Variants in FAM174B observed in about 807,000 individuals in gnomAD.
The protein encoded by FAM174B is family with sequence similarity 174 member B.
A neutral mutation model predicts 10.9 loss-of-function variants in FAM174B; 12 were observed. That is an observed-to-expected ratio of 1.10 (90% CI 0.71 to 1.79). The LOEUF (loss-of-function observed/expected upper bound fraction) is 1.79, where lower values mean the gene tolerates loss of function less well. Ranked by LOEUF, FAM174B falls within the 40% of genes most tolerant of loss-of-function variation. FAM174B has a pLI of 0.00. For synonymous variants in FAM174B, 132 were observed against 115.8 expected (o/e 1.14, Z -0.90); for missense variants, 266 against 233.3 (o/e 1.14, Z -0.91).
intron 1 of FAM174B, among the ~76,000 whole-genome samples, chr15:92,643,136 G>GT (rs35610303): frequency 2.4e-4 from 36 of 148,744 alleles, no homozygotes; most frequent in African/African-American, 7.9e-4. Flanking sequence ...CACTTTATTT[G>GT]TTTTTTTTTT....
At chr15:92,634,984 C>T (rs530910334) in intron 1 of FAM174B, among the ~76,000 whole-genome samples, 1 of 152,270 alleles carries the variant, frequency 6.6e-6, no homozygotes, top group African/African-American at 2.4e-5. Context: ...GCAGCTTGTC[C>T]GCATTTAGGC....
At position 92,655,725 on chromosome 15, in the gene FAM174B, A is replaced by G. The variant is rs1466777745; in HGVS notation, c.-66T>C. On this transcript the variant is annotated 5_prime_UTR_variant, in exon 1 of 3. Transcript: ENST00000327355. ...GCTGAGCTCCAGGATCCGCACCAGC[A>G]CGGAGGCCTGCACCGGGGGATCCTG... 1.7e-6 allele frequency: 2 copies of G among 1,190,452 alleles called. No homozygotes were observed. Among genetic ancestry groups the G allele is most frequent in the East Asian group, 6.9e-5 (2 of 28,906 alleles). 73.7% of individuals were successfully genotyped at this position (1,190,452 alleles called of 1,614,324 possible).
chr15:92,649,074 G>C (rs1596303331), intron 1 of FAM174B, among the ~76,000 whole-genome samples: 1 of 152,148 alleles, frequency 6.6e-6, no homozygotes, highest in Non-Finnish European at 1.5e-5. Flanking sequence ...ACTGACATTG[G>C]AGTTCCCTTA....
At chr15:92,645,524 C>T (rs1335581804) in intron 1 of FAM174B, 2 of 152,318 alleles carry the variant, frequency 1.3e-5, no homozygotes, top group African/African-American at 4.8e-5. Flanking sequence ...TCTTCCAAGA[C>T]AAAAGCAGCA....
chr15:92,635,141 C>T (rs901551701), intron 1 of FAM174B, among the ~76,000 whole-genome samples: 1 of 132,186 alleles, frequency 7.6e-6, no homozygotes, highest in South Asian at 2.7e-4. Flanking sequence ...TCTCTCCTCT[C>T]TTTCGCTCAC....
chr15:92,628,171 A>AT (rs35526965), intron 2 of FAM174B, among the ~76,000 whole-genome samples: 28 of 148,218 alleles, frequency 1.9e-4, no homozygotes, highest in African/African-American at 2.2e-4. Context: ...TTTTCCCAAA[A>AT]TTTTTTTTTT....
chr15:92,650,530 C>T (rs1297129560), intron 1 of FAM174B, among the ~76,000 whole-genome samples: 1 of 152,146 alleles, frequency 6.6e-6, no homozygotes, highest in Admixed American at 6.5e-5. Flanking sequence ...AAAGGATCCC[C>T]AGGATGAAAG....
chr15:92,617,679 G>A lies in FAM174B; in HGVS notation c.*1777C>T, dbSNP rs1596291221. 1 of 681,012 alleles carries A rather than the reference G, an allele frequency of 1.5e-6. No individual in the cohort carries two copies. Among genetic ancestry groups the A allele is most frequent in the Non-Finnish European group, 2.7e-6 (1 of 377,266 alleles). 42.2% of individuals were successfully genotyped at this position (681,012 alleles called of 1,614,324 possible). A position where few individuals can be genotyped will look rare whatever the true frequency, so the allele number is the denominator to read the frequency against. On this transcript the variant is annotated 3_prime_UTR_variant, in exon 3 of 3. Transcript: ENST00000327355. ...CAGTTCCAGTTCAAAGGTTGAGGGG[G>A]CGAACAGCTGCGAGGTGGCCAGGCT...
Position 92,630,294 on chromosome 15 carries a change from T to C in FAM174B, c.396A>G (p.Pro132=). The C allele has an allele frequency of 1.9e-6, 3 of 1,613,252 alleles. No individual in the cohort carries two copies. The highest frequency in any genetic ancestry group is 2.5e-6 in the Non-Finnish European group (3 of 1,179,266). The change falls in exon 2 of 3, where the codon CCA becomes CCG. Residue 132 remains proline (P), a synonymous_variant. Coordinates refer to ENST00000327355, the MANE Select transcript of FAM174B (RefSeq NM_207446.3). ...KTRKYDIITT[P]AERVEMAPLN... is the part of the protein sequence containing the mutation. ...GTGGCGCCATTTCCACTCGCTCTGCTGGAGTGGTGATGATATCATACTTGC... is the reference window on the plus strand; with the variant it reads ...GTGGCGCCATTTCCACTCGCTCTGCCGGAGTGGTGATGATATCATACTTGC...
At chr15:92,628,679 G>A (rs979875801) in intron 2 of FAM174B, among the ~76,000 whole-genome samples, 17 of 152,028 alleles carry the variant, frequency 1.1e-4, no homozygotes, top group African/African-American at 3.9e-4. Context: ...TAACCAATCC[G>A]TTTTAATGCT....
intron 1 of FAM174B, among the ~76,000 whole-genome samples, chr15:92,647,475 G>C (rs1401400594): frequency 6.6e-6 from 1 of 152,154 alleles, no homozygotes; most frequent in East Asian, 1.9e-4. Flanking sequence ...AAGAGACCTG[G>C]CCAAGAGGAC....
intron 2 of FAM174B, among the ~76,000 whole-genome samples, chr15:92,622,716 C>T (rs934935287): frequency 6.6e-6 from 1 of 152,256 alleles, no homozygotes; most frequent in African/African-American, 2.4e-5. Context: ...CCTCACTGCT[C>T]CCTGCATGTT....
chr15:92,619,022 TAGA>T lies in FAM174B; in HGVS notation c.*431_*433del. 2.0e-6 allele frequency: 1 copy of T among 501,032 alleles called. No homozygotes were observed. The highest frequency in any genetic ancestry group is 3.5e-6 in the Non-Finnish European group (1 of 285,512). The allele number at this position is 501,032 out of a possible 1,614,324, so 31.0% of individuals were successfully genotyped here. ...GATGGGGTCCAATGTGTAGATCCAGTAGAGAAGAATGTCGGAAATTCTAAATAC... is the reference window on the plus strand; with the variant it reads ...GATGGGGTCCAATGTGTAGATCCAGTGAAGAATGTCGGAAATTCTAAATAC... On this transcript the variant is annotated 3_prime_UTR_variant, in exon 3 of 3. Coordinates refer to ENST00000327355, the MANE Select transcript of FAM174B (RefSeq NM_207446.3).
intron 1 of FAM174B, among the ~76,000 whole-genome samples, chr15:92,647,919 G>T (rs965900921): frequency 3.9e-5 from 6 of 152,138 alleles, no homozygotes. Context: ...GCTACCTGGA[G>T]GCTTCATCTA....
rs114967624 is a variant in FAM174B, at chr15:92,644,587, G to A, written c.344+10729C>T. On this transcript the variant is annotated intron_variant, in intron 1 of 2. Coordinates refer to ENST00000327355, the MANE Select transcript of FAM174B (RefSeq NM_207446.3). ...TCCTAGGGCACCCCCTCCCCACCAC[G>A]CTGCAGCCCCTCAGTTCCAGCACCC... is the stretch of plus-strand genomic sequence containing the variant. Among the ~76,000 whole-genome samples the A allele has an allele frequency of 4.6e-3, 692 of 152,056 alleles. 3 individuals are homozygous for A. Among genetic ancestry groups the A allele is most frequent in the African/African-American group, 0.016 (667 of 41,470 alleles).
intron 2 of FAM174B, among the ~76,000 whole-genome samples, chr15:92,629,075 G>A (rs2050773350): frequency 6.6e-6 from 1 of 151,818 alleles, no homozygotes; most frequent in Non-Finnish European, 1.5e-5. Context: ...TTATGCAGAA[G>A]GACCAAGGAC....
intron 1 of FAM174B, among the ~76,000 whole-genome samples, chr15:92,644,785 C>A (rs1157416575): frequency 1.3e-5 from 2 of 152,212 alleles, no homozygotes; most frequent in Non-Finnish European, 2.9e-5. Flanking sequence ...GTCAAAAAGG[C>A]ACAAATAGCG....
At chr15:92,654,760 C>T (rs1251951969) in intron 1 of FAM174B, among the ~76,000 whole-genome samples, 1 of 149,558 alleles carries the variant, frequency 6.7e-6, no homozygotes, top group Admixed American at 6.7e-5. Context: ...TACTACCCCC[C>T]ACACTAGAAA....
chr15:92,649,365 A>C (rs2050949516), intron 1 of FAM174B, among the ~76,000 whole-genome samples: 1 of 152,226 alleles, frequency 6.6e-6, no homozygotes, highest in Admixed American at 6.5e-5. Flanking sequence ...CTTGGGCTAA[A>C]GAGTCAGCAA....
Sources: allele counts gnomAD v4.1 joint callset (sites outside exome capture counted in the v4.1 genomes callset), GRCh38; gene constraint gnomAD v4.1.1; transcripts MANE v1.5; gene names NCBI Gene and HGNC (gene_info 2026-07-23, HGNC 2026-07-21).